The following MRPL48 variants were observed in gnomAD, a reference collection of about 807,000 sequenced individuals.
The protein encoded by MRPL48 is large ribosomal subunit protein mL48.
In MRPL48, 16 loss-of-function variants were observed where a neutral mutation model predicts 32.9. The observed-to-expected ratio is 0.49, with a 90% CI of 0.33 to 0.74. The LOEUF (loss-of-function observed/expected upper bound fraction) is 0.74. MRPL48 is among the 30% of genes least tolerant of loss of function. The pLI, the probability that MRPL48 is intolerant of heterozygous loss-of-function variation, is 0.02. For missense variants in MRPL48, 206 were observed against 245.3 expected (o/e 0.84, Z 1.07); for synonymous variants, 94 against 89.2 (o/e 1.05, Z -0.31).
At chr11:73,814,441 T>A (rs919132180) in intron 3 of MRPL48, among the ~76,000 whole-genome samples, 12 of 151,430 alleles carry the variant, frequency 7.9e-5, no homozygotes, top group African/African-American at 2.9e-4. Context: ...ACGCGTGTAA[T>A]CCCAGCACTT....
chr11:73,800,762 C>T lies in MRPL48; in HGVS notation c.22-4265C>T, dbSNP rs553457739. Among the ~76,000 whole-genome samples, 13 of 151,968 alleles carry T rather than the reference C, an allele frequency of 8.6e-5. No individual in the cohort carries two copies. The South Asian group carries it at 2.5e-3, about 29-fold the overall frequency. ...CCAGAGCTGACCGGGAGAGTTCATA[C>T]CATAATTTGAATGTCTTCCAGAAAG... On this transcript the variant is annotated intron_variant, in intron 1 of 7. Coordinates refer to ENST00000310614, the MANE Select transcript of MRPL48 (RefSeq NM_016055.6).
chr11:73,859,590 T>G (rs1948547596), intron 5 of MRPL48, among the ~76,000 whole-genome samples: 1 of 152,210 alleles, frequency 6.6e-6, no homozygotes, highest in African/African-American at 2.4e-5. Context: ...CACTTGATTC[T>G]TTTAGAATGG....
intron 5 of MRPL48, among the ~76,000 whole-genome samples, chr11:73,853,645 C>T (rs66481913): frequency 0.063 from 8,490 of 135,578 alleles, 271 homozygotes; most frequent in Middle Eastern, 0.13. Flanking sequence ...TAATTAAGAA[C>T]TTTTTTTTCA....
intron 4 of MRPL48, chr11:73,842,184 C>T (rs1045332290): frequency 6.6e-6 from 1 of 152,234 alleles, no homozygotes; most frequent in Non-Finnish European, 1.5e-5. Context: ...CTCCTAGGCT[C>T]AAGCAGTCTG....
intron 5 of MRPL48, among the ~76,000 whole-genome samples, chr11:73,856,684 A>T (rs747373569): frequency 6.6e-6 from 1 of 152,152 alleles, no homozygotes; most frequent in Non-Finnish European, 1.5e-5. Flanking sequence ...AAAAATTGAG[A>T]TATAACTTGT....
chr11:73,792,482 C>G (rs1947169992), intron 1 of MRPL48, among the ~76,000 whole-genome samples: 1 of 152,130 alleles, frequency 6.6e-6, no homozygotes, highest in Non-Finnish European at 1.5e-5. Context: ...GAACTGATCT[C>G]AGAGATAAGA....
chr11:73,813,078 GAA>G (rs1226223272), intron 3 of MRPL48, among the ~76,000 whole-genome samples: 1 of 151,828 alleles, frequency 6.6e-6, no homozygotes, highest in Non-Finnish European at 1.5e-5. Flanking sequence ...TTTTGTTAGT[GAA>G]AATTATGTCT....
intron 4 of MRPL48, among the ~76,000 whole-genome samples, chr11:73,832,212 A>G (rs1195210464): frequency 1.3e-5 from 2 of 152,188 alleles, no homozygotes; most frequent in African/African-American, 4.8e-5. Context: ...TGTAACTCAG[A>G]CAATTTTCTT....
At chr11:73,822,004 C>T (rs1947793924) in intron 3 of MRPL48, among the ~76,000 whole-genome samples, 1 of 152,030 alleles carries the variant, frequency 6.6e-6, no homozygotes, top group African/African-American at 2.4e-5. Flanking sequence ...TTTTCAAGGT[C>T]CTGGCCTGAG....
At chr11:73,847,333 T>A (rs532450249) in intron 5 of MRPL48, among the ~76,000 whole-genome samples, 1 of 152,332 alleles carries the variant, frequency 6.6e-6, no homozygotes, top group African/African-American at 2.4e-5. Flanking sequence ...TTATTTGTCA[T>A]CTGTGTATCT....
chr11:73,809,338 AC>A (rs1204730456), intron 3 of MRPL48, among the ~76,000 whole-genome samples: 1 of 151,750 alleles, frequency 6.6e-6, no homozygotes, highest in East Asian at 1.9e-4. Context: ...CCCCATCTCT[AC>A]TAAAAATACA....
At position 73,861,368 on chromosome 11, in the gene MRPL48, G is replaced by T. The variant is rs538233906; in HGVS notation, c.474+1359G>T. 1.1e-3 allele frequency among the ~76,000 whole-genome samples: 162 copies of T among 150,910 alleles called. 2 individuals carry two copies. The highest frequency in any genetic ancestry group is 1.4e-3 in the Non-Finnish European group (94 of 67,796). On this transcript the variant is annotated intron_variant, in intron 6 of 7. Coordinates refer to ENST00000310614, the MANE Select transcript of MRPL48 (RefSeq NM_016055.6). Reference sequence around the variant, plus strand: ...ACGTGGAGCTAGTTTGTTTTTTTTTGTTTGTTTGTTTGTTTTTGGAGACAG... The same window carrying T: ...ACGTGGAGCTAGTTTGTTTTTTTTTTTTTGTTTGTTTGTTTTTGGAGACAG...
chr11:73,806,432 A>G (rs529594159), intron 2 of MRPL48, among the ~76,000 whole-genome samples: 2 of 152,208 alleles, frequency 1.3e-5, no homozygotes, highest in Admixed American at 6.5e-5. Flanking sequence ...TCCAAATGTC[A>G]TCCCATCCAA....
intron 4 of MRPL48, among the ~76,000 whole-genome samples, chr11:73,833,777 T>A (rs1188989456): frequency 6.6e-6 from 1 of 152,144 alleles, no homozygotes; most frequent in African/African-American, 2.4e-5. Context: ...CAGGCTCAAG[T>A]GATCTTCTCA....
chr11:73,854,108 CTT>C (rs923049086), intron 5 of MRPL48, among the ~76,000 whole-genome samples: 1 of 152,174 alleles, frequency 6.6e-6, no homozygotes, highest in Admixed American at 6.5e-5. Flanking sequence ...TTTTAGGACT[CTT>C]TACAGATGCT....
intron 3 of MRPL48, among the ~76,000 whole-genome samples, chr11:73,820,821 C>CT: frequency 6.6e-6 from 1 of 152,236 alleles, no homozygotes; most frequent in East Asian, 1.9e-4. Flanking sequence ...TACTTCCCCC[C>CT]CACTATCCCC....
At chr11:73,820,661 A>C (rs1947762105) in intron 3 of MRPL48, among the ~76,000 whole-genome samples, 2 of 151,748 alleles carry the variant, frequency 1.3e-5, no homozygotes, top group African/African-American at 4.9e-5. Flanking sequence ...TGGAACACCC[A>C]TCCTCCATTT....
chr11:73,791,888 TG>T (rs1237882130), intron 1 of MRPL48, among the ~76,000 whole-genome samples: 2 of 152,150 alleles, frequency 1.3e-5, no homozygotes, highest in Non-Finnish European at 2.9e-5. Flanking sequence ...GCTCCTTCCT[TG>T]GGGCCCTAAG....
chr11:73,822,412 A>G (rs543684376), intron 3 of MRPL48, among the ~76,000 whole-genome samples: 20 of 152,172 alleles, frequency 1.3e-4, no homozygotes, highest in African/African-American at 4.3e-4. Context: ...TTCCTTTCAT[A>G]CTATACCTCG....
Sources: gnomAD v4.1 joint callset for allele counts (sites outside exome capture counted in the v4.1 genomes callset) on GRCh38, gnomAD v4.1.1 for gene constraint, MANE v1.5 for transcripts, NCBI Gene and HGNC (gene_info 2026-07-23, HGNC 2026-07-21) for gene names.